The following TOGARAM1 variants were observed in gnomAD, a reference collection of about 807,000 sequenced individuals.
TOGARAM1 encodes TOG array regulator of axonemal microtubules 1, also known as TOG array regulator of axonemal microtubules protein 1.
In TOGARAM1, 100 loss-of-function variants were observed where a neutral mutation model predicts 166.6. That is an observed-to-expected ratio of 0.60 (90% CI 0.51 to 0.71). TOGARAM1 has a LOEUF of 0.71. Among genes scored for constraint, TOGARAM1 ranks in the 30% least tolerant of loss-of-function variants. The pLI, the probability that TOGARAM1 is intolerant of heterozygous loss-of-function variation, is 0.00. For missense variants in TOGARAM1, 2,029 were observed against 2,102.7 expected, an observed-to-expected ratio of 0.96 and a Z score of 0.69; for synonymous variants, 758 against 763.8, an observed-to-expected ratio of 0.99 and a Z score of 0.13.
chr14:45,005,149 A>T (rs950781522), intron 4 of TOGARAM1, among the ~76,000 whole-genome samples: 3 of 151,194 alleles, frequency 2.0e-5, no homozygotes, highest in African/African-American at 7.3e-5. Flanking sequence ...TCCCGACCTC[A>T]GGTGATCAAC....
At chr14:45,057,826 T>C (rs1197787081) in intron 16 of TOGARAM1, among the ~76,000 whole-genome samples, 3 of 152,228 alleles carry the variant, frequency 2.0e-5, no homozygotes, top group Non-Finnish European at 4.4e-5. Context: ...TTTCAGTTTT[T>C]AAAAATTTGT....
intron 11 of TOGARAM1, among the ~76,000 whole-genome samples, chr14:45,042,746 T>C (rs1427510081): frequency 6.6e-6 from 1 of 152,134 alleles, no homozygotes; most frequent in African/African-American, 2.4e-5. Flanking sequence ...ACTTAATTGC[T>C]AAAAAATACT....
intron 1 of TOGARAM1, 68 bp downstream of exon 1, chr14:44,964,535 T>C: frequency 6.7e-7 from 1 of 1,484,658 alleles, no homozygotes; most frequent in Non-Finnish European, 9.0e-7. Context: ...CCGTGATGAC[T>C]TAAGGGTCAG....
At chr14:44,981,992 G>A (rs1486183473) in intron 1 of TOGARAM1, among the ~76,000 whole-genome samples, 1 of 151,854 alleles carries the variant, frequency 6.6e-6, no homozygotes, top group Admixed American at 6.6e-5. Context: ...ACAGGGGCAC[G>A]CCACCACGCC....
chr14:45,012,588 C>G (rs773604125), intron 7 of TOGARAM1, among the ~76,000 whole-genome samples: 19 of 152,030 alleles, frequency 1.2e-4, no homozygotes, highest in Non-Finnish European at 2.8e-4. Context: ...AATTAGTAGT[C>G]AATTAGAAAA....
intron 16 of TOGARAM1, among the ~76,000 whole-genome samples, chr14:45,064,798 C>G (rs377341764): frequency 6.6e-6 from 1 of 152,158 alleles, no homozygotes; most frequent in African/African-American, 2.4e-5. Context: ...TTAAGCCTCT[C>G]ATTTTGATAG....
chr14:45,061,951 G>A (rs1460017206), intron 16 of TOGARAM1, among the ~76,000 whole-genome samples: 2 of 152,134 alleles, frequency 1.3e-5, no homozygotes, highest in African/African-American at 4.8e-5. Flanking sequence ...ATATCGTTTT[G>A]TTAATGATTT....
chr14:45,043,833 C>T, intron 12 of TOGARAM1, 42 bp downstream of exon 12: 1 of 1,130,720 alleles, frequency 8.8e-7, no homozygotes. Flanking sequence ...GTTAGAATAA[C>T]AAAGGATAAA....
chr14:44,976,633 T>C (rs769010603), intron 1 of TOGARAM1, among the ~76,000 whole-genome samples: 3 of 140,156 alleles, frequency 2.1e-5, no homozygotes, highest in Non-Finnish European at 3.1e-5. Context: ...AACCTTTACC[T>C]TTAAAAAAAA....
At chr14:45,045,820 A>G (rs1010018040) in intron 13 of TOGARAM1, among the ~76,000 whole-genome samples, 1 of 149,658 alleles carries the variant, frequency 6.7e-6, no homozygotes, top group African/African-American at 2.5e-5. Context: ...GGTTGGTTCC[A>G]CATCTTTGTA....
intron 1 of TOGARAM1, among the ~76,000 whole-genome samples, chr14:44,995,008 T>C (rs1231635199): frequency 1.3e-5 from 2 of 152,152 alleles, no homozygotes; most frequent in South Asian, 2.1e-4. Context: ...TTTATAGTCA[T>C]GTTGAATGTG....
intron 1 of TOGARAM1, among the ~76,000 whole-genome samples, chr14:44,970,824 G>A (rs1478305045): frequency 6.6e-6 from 1 of 152,092 alleles, no homozygotes; most frequent in East Asian, 1.9e-4. Flanking sequence ...ACCTGATGAT[G>A]TGATGGGTTA....
At chr14:44,971,266 C>T (rs1372794573) in intron 1 of TOGARAM1, among the ~76,000 whole-genome samples, 2 of 152,072 alleles carry the variant, frequency 1.3e-5, no homozygotes, top group African/African-American at 4.8e-5. Context: ...TCCATATCTT[C>T]TTGTGTGTGT....
rs780334342 is a variant in TOGARAM1 at position 44,964,148 on chromosome 14, A to G, written c.1727A>G (p.Lys576Arg). 1 of 1,614,240 alleles carries G rather than the reference A, an allele frequency of 6.2e-7. No individual in the cohort carries two copies. The highest frequency in any genetic ancestry group is 2.2e-5 in the East Asian group (1 of 44,886). The part of the protein sequence containing the change: ...MNAVQARLAR[K>R]TLPRLTEQGF... Reference sequence around the variant, plus strand: ...GCTGTGCAGGCCAGATTGGCTAGGAAAACCTTACCAAGGCTCACAGAGCAG... The same window carrying G: ...GCTGTGCAGGCCAGATTGGCTAGGAGAACCTTACCAAGGCTCACAGAGCAG... The change falls in exon 1 of 20, where the codon AAA becomes AGA. Residue 576 changes from lysine to arginine, a missense_variant. Physicochemically the swap from Lys to Arg is conservative, Grantham distance 26. Coordinates refer to ENST00000361462, the MANE Select transcript of TOGARAM1 (RefSeq NM_001308120.2).
At chr14:45,020,559 G>A (rs986519970) in intron 7 of TOGARAM1, among the ~76,000 whole-genome samples, 4 of 152,166 alleles carry the variant, frequency 2.6e-5, no homozygotes, top group African/African-American at 7.2e-5. Context: ...CTTTTGTTGC[G>A]GGGCTTAGGT....
At chr14:45,059,380 G>A (rs964937403) in intron 16 of TOGARAM1, among the ~76,000 whole-genome samples, 16 of 152,230 alleles carry the variant, frequency 1.1e-4, no homozygotes, top group African/African-American at 3.9e-4. Context: ...GGGTGCAGTG[G>A]TATGCACCTG....
intron 1 of TOGARAM1, among the ~76,000 whole-genome samples, chr14:44,977,300 T>C (rs1467879931): frequency 6.7e-6 from 1 of 149,766 alleles, no homozygotes; most frequent in Non-Finnish European, 1.5e-5. Context: ...AGTAGTGTGA[T>C]CTCAGCTCAC....
chr14:44,973,663 A>G (rs770383293), intron 1 of TOGARAM1, among the ~76,000 whole-genome samples: 15 of 151,338 alleles, frequency 9.9e-5, no homozygotes, highest in Non-Finnish European at 2.2e-4. Flanking sequence ...TTCTCTGAAA[A>G]ACTTCAATGT....
rs753489521 is a variant in TOGARAM1, at chr14:45,006,096, G to A, written c.2733G>A (p.Lys911=). The change falls in exon 5 of 20, where the codon AAG becomes AAA. Residue 911 remains lysine, a synonymous_variant. Coordinates refer to ENST00000361462, the MANE Select transcript of TOGARAM1 (RefSeq NM_001308120.2). ...PSSRRGLNGT[K]PVPPIPRGIS... is the part of the protein sequence containing the mutation. ...CCCGACGAGGTCTAAATGGGACAAA[G>A]CCTGTTCCTCCCATACCAAGGGGAA... 5.0e-6 allele frequency: 8 copies of A among 1,613,888 alleles called. No individual in the cohort carries two copies. In the African/African-American group the frequency reaches 6.7e-5, roughly 13 times the overall value.
Sources: gnomAD v4.1 joint callset for allele counts (sites outside exome capture counted in the v4.1 genomes callset) on GRCh38, gnomAD v4.1.1 for gene constraint, MANE v1.5 for transcripts, NCBI Gene and HGNC (gene_info 2026-07-23, HGNC 2026-07-21) for gene names.